Variants in NAPA observed in about 807,000 individuals in gnomAD.
The protein encoded by NAPA is alpha-soluble NSF attachment protein.
In NAPA, 18 loss-of-function variants were observed where a neutral mutation model predicts 48.0. The observed-to-expected ratio is 0.38, with a 90% confidence interval of 0.26 to 0.56. NAPA has a LOEUF of 0.56. NAPA is among the 20% of genes least tolerant of loss of function. The pLI is 0.77. For synonymous variants in NAPA, 152 were observed against 149.9 expected, an observed-to-expected ratio of 1.01 and a Z score of -0.10; for missense variants, 315 against 385.0, an observed-to-expected ratio of 0.82 and a Z score of 1.52.
intron 4 of NAPA, chr19:47,495,140 C>A (rs937894169): frequency 9.9e-6 from 2 of 202,138 alleles, no homozygotes; most frequent in African/African-American, 4.7e-5. Flanking sequence ...GAACTAGGAC[C>A]CCAGGTGCAT....
intron 1 of NAPA, among the ~76,000 whole-genome samples, chr19:47,510,854 A>G (rs1968792148): frequency 6.6e-6 from 1 of 152,204 alleles, no homozygotes; most frequent in African/African-American, 2.4e-5. Context: ...CCAGAGCAGA[A>G]GTTTGAGCTG....
chr19:47,511,664 G>T (rs574734260), intron 1 of NAPA, among the ~76,000 whole-genome samples: 3 of 152,228 alleles, frequency 2.0e-5, no homozygotes, highest in African/African-American at 7.2e-5. Flanking sequence ...AACTGGGTTT[G>T]AATGCCACTT....
In NAPA at chr19:47,515,029, A is replaced by G. The variant is rs547307041; in HGVS notation, c.-89T>C. 8 of 1,335,862 alleles carry G rather than the reference A, an allele frequency of 6.0e-6. No homozygotes were observed. In the East Asian group the frequency reaches 7.7e-5, roughly 13 times the overall value. 82.8% of individuals were successfully genotyped at this position (1,335,862 alleles called of 1,614,324 possible). On this transcript the variant is annotated 5_prime_UTR_variant, in exon 1 of 11. Transcript: ENST00000263354. ...GGGCCGCGGAACACAGATCGGTAAAACTCGCCCGGCTGCGTTGACGTCGCA... is the reference window on the plus strand; with the variant it reads ...GGGCCGCGGAACACAGATCGGTAAAGCTCGCCCGGCTGCGTTGACGTCGCA...
intron 9 of NAPA, among the ~76,000 whole-genome samples, chr19:47,490,427 TGTG>T (rs368710113): frequency 5.5e-4 from 58 of 105,068 alleles, no homozygotes; most frequent in African/African-American, 1.8e-3. Flanking sequence ...GTGTGATGTG[TGTG>T]GTGTGGTGTG....
At chr19:47,499,160 A>C (rs1968509374) in intron 3 of NAPA, among the ~76,000 whole-genome samples, 1 of 152,240 alleles carries the variant, frequency 6.6e-6, no homozygotes, top group Admixed American at 6.5e-5. Flanking sequence ...AAAAGCTCAG[A>C]TCAAACGCAG....
chr19:47,490,045 G>A (rs975804655), intron 9 of NAPA, among the ~76,000 whole-genome samples: 9 of 151,228 alleles, frequency 6.0e-5, no homozygotes, highest in Non-Finnish European at 8.9e-5. Flanking sequence ...TGTGTTGGGT[G>A]TGGTGTGTGG....
At chr19:47,508,729 C>T (rs1230492260) in intron 1 of NAPA, among the ~76,000 whole-genome samples, 1 of 151,928 alleles carries the variant, frequency 6.6e-6, no homozygotes, top group African/African-American at 2.4e-5. Context: ...TCTCGAACTC[C>T]TGGGCTCAAG....
chr19:47,488,180 G>T lies in NAPA; in HGVS notation c.*108C>A. The T allele has an allele frequency of 1.9e-6, 2 of 1,071,392 alleles. No individual in the cohort carries two copies. Among genetic ancestry groups the T allele is most frequent in the Non-Finnish European group, 2.7e-6 (2 of 736,030 alleles). 66.4% of individuals were successfully genotyped at this position (1,071,392 alleles called of 1,614,324 possible). A position where few individuals can be genotyped will look rare whatever the true frequency, so the allele number is the denominator to read the frequency against. On this transcript the variant is annotated 3_prime_UTR_variant, in exon 11 of 11. Transcript: ENST00000263354. ...CGGTGCCACCTGCCCACTGTGGCCC[G>T]CGGCACTCCCCAGATGGGAAAGGAG...
At chr19:47,509,515 C>A (rs1568471383) in intron 1 of NAPA, among the ~76,000 whole-genome samples, 1 of 152,178 alleles carries the variant, frequency 6.6e-6, no homozygotes, top group Non-Finnish European at 1.5e-5. Context: ...GGCAGCACCC[C>A]ACGGCGTGCC....
Position 47,488,134 on chromosome 19 carries a change from G to C in NAPA, c.*154C>G, listed in dbSNP as rs1247747485. ...GTCCGGCCAGCAGCCTGGGCCTCTG[G>C]CGCCCCTGCATGCTGACCCCCGGTG... On this transcript the variant is annotated 3_prime_UTR_variant, in exon 11 of 11. Transcript: ENST00000263354. The C allele has an allele frequency of 4.7e-6, 3 of 632,376 alleles. No individual in the cohort carries two copies. The East Asian group carries it at 8.3e-5, about 17-fold the overall frequency. 39.2% of individuals were successfully genotyped at this position (632,376 alleles called of 1,614,324 possible).
intron 4 of NAPA, 116 bp downstream of exon 4, chr19:47,495,434 C>T: frequency 8.4e-7 from 1 of 1,185,124 alleles, no homozygotes. Context: ...ACTTCCCCCT[C>T]CCCAAGTGGT....
At chr19:47,499,874 T>C (rs537580133) in intron 3 of NAPA, among the ~76,000 whole-genome samples, 67 of 152,368 alleles carry the variant, frequency 4.4e-4, no homozygotes, top group Admixed American at 1.1e-3. Flanking sequence ...TAAAGATTCA[T>C]ATATTTTCCA....
chr19:47,490,369 G>A (rs1206598430), intron 9 of NAPA, among the ~76,000 whole-genome samples: 1 of 149,562 alleles, frequency 6.7e-6, no homozygotes, highest in Non-Finnish European at 1.5e-5. Flanking sequence ...TGTGTGGTGT[G>A]TGTGTAGTGT....
At chr19:47,507,152 G>A (rs966525355) in intron 1 of NAPA, among the ~76,000 whole-genome samples, 7 of 151,734 alleles carry the variant, frequency 4.6e-5, no homozygotes, top group Admixed American at 2.0e-4. Flanking sequence ...CCCATCCCAC[G>A]GCTCTGAGCC....
rs767285673 is a variant in NAPA at position 47,500,757 on chromosome 19, A to G, written c.179-8T>C. 1.2e-5 allele frequency: 19 copies of G among 1,597,540 alleles called. 1 individual carries two copies. In the South Asian group the frequency reaches 2.1e-4, roughly 18 times the overall value. On this transcript the variant is annotated splice_polypyrimidine_tract_variant and splice_region_variant and intron_variant, in intron 2 of 10. Transcript: ENST00000263354. ...AGAACGCGTTTCCAGCAGCTGGAAC[A>G]GAAGAGAAGGGCAGTCCTGGCCTCA... is the stretch of plus-strand genomic sequence containing the variant.
chr19:47,502,524 C>T (rs567445529), intron 2 of NAPA, among the ~76,000 whole-genome samples: 26 of 152,256 alleles, frequency 1.7e-4, no homozygotes, highest in South Asian at 4.1e-4. Context: ...TTCTCAAAAA[C>T]GATGATAATC....
chr19:47,493,059 A>C lies in NAPA; in HGVS notation c.477-14T>G. Reference sequence around the variant, plus strand: ...TTGTTGGCTGAGCTGTGTGGGGAGGAGTAGTGAGGGGAAGTGGTGGCGGTC... The same window carrying C: ...TTGTTGGCTGAGCTGTGTGGGGAGGCGTAGTGAGGGGAAGTGGTGGCGGTC... On this transcript the variant is annotated splice_polypyrimidine_tract_variant and intron_variant, in intron 6 of 10. Coordinates refer to ENST00000263354, the MANE Select transcript of NAPA (RefSeq NM_003827.4). The surrounding 1 kb of genome is among the most constrained non-coding windows in gnomAD (Gnocchi z 6.4). The C allele has an allele frequency of 6.2e-7, 1 of 1,613,862 alleles. No individual in the cohort carries two copies. Among genetic ancestry groups the C allele is most frequent in the East Asian group, 2.2e-5 (1 of 44,860 alleles).
chr19:47,495,568 G>C lies in NAPA; in HGVS notation c.324C>G (p.Ile108Met). ...CCCTTACCATGTCTGTGTAGATCTC[G>C]ATTGCTCGCATCAAACAGTTAATGG... ...QEAINCLMRA[I>M]EIYTDMGRFT... The change falls in exon 4 of 11, where the codon ATC (isoleucine) becomes ATG (methionine). Residue 108 changes from isoleucine (I) to methionine (M), a missense_variant. Physicochemically the swap from Ile to Met is conservative, Grantham distance 10. This residue lies in a region of NAPA where 173 missense variants were observed against 213.5 expected (regional missense o/e 0.81). Transcript: ENST00000263354. The C allele has an allele frequency of 6.3e-7, 1 of 1,585,162 alleles. No homozygotes were observed. Among genetic ancestry groups the C allele is most frequent in the Non-Finnish European group, 8.6e-7 (1 of 1,167,114 alleles).
At chr19:47,490,257 T>G (rs1253957994) in intron 9 of NAPA, among the ~76,000 whole-genome samples, 5 of 126,738 alleles carry the variant, frequency 3.9e-5, no homozygotes, top group East Asian at 2.3e-4. Context: ...TGTGGGGGGG[T>G]GTGTCGTGTG....
Sources: gnomAD v4.1 joint callset for allele counts (sites outside exome capture counted in the v4.1 genomes callset) on GRCh38, gnomAD v4.1.1 for gene constraint, gnomAD v4.1.1 regional missense constraint, Gnocchi (gnomAD v3.1) non-coding constraint, MANE v1.5 for transcripts, NCBI Gene and HGNC (gene_info 2026-07-23, HGNC 2026-07-21) for gene names.